The following EPHA3 variants were observed in gnomAD, a reference collection of about 807,000 sequenced individuals.
EPHA3 encodes ephrin type-A receptor 3.
A neutral mutation model predicts 107.1 loss-of-function variants in EPHA3; 42 were observed. That is an observed-to-expected ratio of 0.39 (90% CI 0.31 to 0.51). The LOEUF (loss-of-function observed/expected upper bound fraction) is 0.51. Among genes scored for constraint, EPHA3 ranks in the 20% least tolerant of loss-of-function variants. The pLI is 0.78. For synonymous variants in EPHA3, 461 were observed against 424.8 expected, an observed-to-expected ratio of 1.09 and a Z score of -1.05; for missense variants, 1,183 against 1,211.2, an observed-to-expected ratio of 0.98 and a Z score of 0.35.
intron 11 of EPHA3, 45 bp from the exon 12 acceptor site, chr3:89,429,061 A>G (rs759700971): frequency 3.7e-6 from 5 of 1,337,852 alleles, no homozygotes; most frequent in Non-Finnish European, 5.3e-6. Context: ...ATTGTATAAT[A>G]CTTGAACTGT....
chr3:89,283,955 A>G (rs1706010004), intron 3 of EPHA3, among the ~76,000 whole-genome samples: 2 of 152,144 alleles, frequency 1.3e-5, no homozygotes, highest in Non-Finnish European at 2.9e-5. Flanking sequence ...TTAGTGGAAT[A>G]CTAAACATGA....
chr3:89,139,831 A>C (rs1704390194), intron 2 of EPHA3, among the ~76,000 whole-genome samples: 1 of 151,708 alleles, frequency 6.6e-6, no homozygotes, highest in South Asian at 2.1e-4. Context: ...GTGCACAGTG[A>C]CAAAGAAGGA....
At chr3:89,133,654 T>C (rs1704251959) in intron 2 of EPHA3, among the ~76,000 whole-genome samples, 1 of 152,188 alleles carries the variant, frequency 6.6e-6, no homozygotes, top group Non-Finnish European at 1.5e-5. Flanking sequence ...TTTTGAAGCA[T>C]TGTTTGTGCA....
intron 3 of EPHA3, among the ~76,000 whole-genome samples, chr3:89,215,076 A>C (rs1704192883): frequency 6.6e-6 from 1 of 151,896 alleles, no homozygotes; most frequent in Non-Finnish European, 1.5e-5. Context: ...TAAGCAACTA[A>C]GAAAAAGAAA....
chr3:89,208,368 GAA>G (rs68032279), intron 2 of EPHA3, among the ~76,000 whole-genome samples: 1,587 of 90,270 alleles, frequency 0.018, 103 homozygotes, highest in African/African-American at 0.067. Flanking sequence ...AAGACTCTGT[GAA>G]AAAAAAAAAA....
rs572534650 is a variant in EPHA3 at position 89,123,416 on chromosome 3, T to G, written c.89-3793T>G. Among the ~76,000 whole-genome samples the G allele has an allele frequency of 1.8e-4, 28 of 152,294 alleles. No individual in the cohort carries two copies. In the East Asian group the frequency reaches 2.7e-3, roughly 15 times the overall value. Reference sequence around the variant, plus strand: ...CCTTGGCCTCCCAAAGTGCTGGGATTACAGGCATGAGCCACCGCGCCCGCC... The same window carrying G: ...CCTTGGCCTCCCAAAGTGCTGGGATGACAGGCATGAGCCACCGCGCCCGCC... On this transcript the variant is annotated intron_variant, in intron 1 of 16. Transcript: ENST00000336596.
chr3:89,459,410 T>C (rs1261559598), intron 15 of EPHA3, among the ~76,000 whole-genome samples: 2 of 152,054 alleles, frequency 1.3e-5, no homozygotes, highest in Non-Finnish European at 2.9e-5. Flanking sequence ...TCTCTTTCTC[T>C]TCCTCTTTTT....
At chr3:89,136,986 A>G (rs1373837060) in intron 2 of EPHA3, among the ~76,000 whole-genome samples, 1 of 151,946 alleles carries the variant, frequency 6.6e-6, no homozygotes, top group Non-Finnish European at 1.5e-5. Flanking sequence ...GCAACTTCAA[A>G]TTAGCATATT....
At chr3:89,148,964 C>T (rs2107037131) in intron 2 of EPHA3, among the ~76,000 whole-genome samples, 1 of 152,026 alleles carries the variant, frequency 6.6e-6, no homozygotes, top group South Asian at 2.1e-4. Context: ...AAATAGACAT[C>T]AGGAACCTGA....
intron 3 of EPHA3, among the ~76,000 whole-genome samples, chr3:89,300,913 T>A (rs1239824720): frequency 6.6e-6 from 1 of 152,140 alleles, no homozygotes; most frequent in Non-Finnish European, 1.5e-5. Flanking sequence ...CTGAGTTACC[T>A]GATTTGTGAG....
chr3:89,358,374 C>A (rs1348469381), intron 5 of EPHA3, among the ~76,000 whole-genome samples: 1 of 151,060 alleles, frequency 6.6e-6, no homozygotes, highest in African/African-American at 2.4e-5. Context: ...ATTTAGATAA[C>A]TCCAGGTTTT....
At chr3:89,435,664 T>C (rs1246880826) in intron 13 of EPHA3, among the ~76,000 whole-genome samples, 2 of 147,712 alleles carry the variant, frequency 1.4e-5, no homozygotes, top group Non-Finnish European at 3.0e-5. Context: ...TGTATTAAAA[T>C]AATATAGGAC....
At chr3:89,128,921 C>A (rs555569464) in intron 2 of EPHA3, among the ~76,000 whole-genome samples, 14 of 151,970 alleles carry the variant, frequency 9.2e-5, no homozygotes, top group South Asian at 2.1e-4. Flanking sequence ...ATAGAGTTGG[C>A]ACATCTACTT....
intron 2 of EPHA3, among the ~76,000 whole-genome samples, chr3:89,170,541 G>A (rs1015860508): frequency 2.0e-5 from 3 of 152,086 alleles, no homozygotes; most frequent in Non-Finnish European, 4.4e-5. Context: ...TGTAGCCAAG[G>A]AGTTGATGAC....
At chr3:89,354,991 A>G (rs1356872233) in intron 5 of EPHA3, among the ~76,000 whole-genome samples, 3 of 151,174 alleles carry the variant, frequency 2.0e-5, no homozygotes, top group Admixed American at 6.6e-5. Flanking sequence ...AAAATTTCAC[A>G]TGATTGTATT....
intron 7 of EPHA3, among the ~76,000 whole-genome samples, chr3:89,402,628 TAA>T (rs1332448462): frequency 6.6e-5 from 10 of 152,164 alleles, no homozygotes; most frequent in Admixed American, 1.3e-4. Context: ...AAAATAGACA[TAA>T]GACTTCTGTT....
At chr3:89,274,130 C>A (rs1221726151) in intron 3 of EPHA3, among the ~76,000 whole-genome samples, 3 of 151,828 alleles carry the variant, frequency 2.0e-5, no homozygotes, top group Non-Finnish European at 2.9e-5. Flanking sequence ...TTTTGGGTCA[C>A]AAATAAGTTT....
intron 2 of EPHA3, among the ~76,000 whole-genome samples, chr3:89,193,324 G>A (rs1705761993): frequency 6.6e-6 from 1 of 151,998 alleles, no homozygotes; most frequent in African/African-American, 2.4e-5. Flanking sequence ...CAAGTTTGTA[G>A]CTGCTCCCCA....
intron 1 of EPHA3, among the ~76,000 whole-genome samples, chr3:89,115,741 A>G (rs1352101400): frequency 6.6e-6 from 1 of 152,192 alleles, no homozygotes; most frequent in Non-Finnish European, 1.5e-5. Flanking sequence ...AATGTTTCCC[A>G]TTGTTACAAC....
Sources: allele counts gnomAD v4.1 joint callset (sites outside exome capture counted in the v4.1 genomes callset), GRCh38; gene constraint gnomAD v4.1.1; transcripts MANE v1.5; gene names NCBI Gene and HGNC (gene_info 2026-07-23, HGNC 2026-07-21).